Variants in AHNAK observed in about 807,000 individuals in gnomAD.
AHNAK encodes AHNAK nucleoprotein, also known as neuroblast differentiation-associated protein AHNAK.
In AHNAK, 23 loss-of-function variants were observed where a neutral mutation model predicts 37.8. The ratio of observed to expected loss-of-function variants is 0.61; its 90% CI spans 0.44 to 0.86. AHNAK has a LOEUF of 0.86. Ranked by LOEUF, AHNAK falls within the 40% of genes least tolerant of loss-of-function variation. The pLI is 0.00. For synonymous variants in AHNAK, 2,481 were observed against 2,636.3 expected, an observed-to-expected ratio of 0.94 and a Z score of 1.80; for missense variants, 7,411 against 7,319.4, an observed-to-expected ratio of 1.01 and a Z score of -0.46.
At chr11:62,467,666 C>G (rs1938941152) in intron 5 of AHNAK, among the ~76,000 whole-genome samples, 1 of 152,222 alleles carries the variant, frequency 6.6e-6, no homozygotes, top group African/African-American at 2.4e-5. Flanking sequence ...GCCTGGGCAA[C>G]AGAGTGAGAC....
At position 62,474,342 on chromosome 11, in the gene AHNAK, G is replaced by A. The variant is rs571953676; in HGVS notation, c.442+17390C>T. Among the ~76,000 whole-genome samples, 70 of 151,950 alleles carry A rather than the reference G, an allele frequency of 4.6e-4. 1 individual carries two copies. In the South Asian group the frequency reaches 0.014, roughly 30 times the overall value. On this transcript the variant is annotated intron_variant, in intron 5 of 5. Transcript: ENST00000257247. ...TGGGATTACAGGTGCATGCCACCAC[G>A]CCCAGCTAATTTTTATATATTTAGT... is the stretch of plus-strand genomic sequence containing the variant.
At chr11:62,477,864 C>T (rs1460577356) in intron 5 of AHNAK, among the ~76,000 whole-genome samples, 2 of 151,808 alleles carry the variant, frequency 1.3e-5, no homozygotes, top group African/African-American at 4.8e-5. Context: ...CAAGGCTTTC[C>T]AGAGGTGGTG....
rs528301927 is a variant in AHNAK at position 62,535,671 on chromosome 11, C to T, written c.154+274G>A. On this transcript the variant is annotated intron_variant, in intron 3 of 4. Coordinates refer to ENST00000378024, the MANE Select transcript of AHNAK (RefSeq NM_001620.3). Reference sequence around the variant, plus strand: ...CTAAAAAAAAAAAAAAAGGCCAACTCATTTGCCCAAATCTGCAGAGCTAGT... The same window carrying T: ...CTAAAAAAAAAAAAAAAGGCCAACTTATTTGCCCAAATCTGCAGAGCTAGT... Among the ~76,000 whole-genome samples the T allele has an allele frequency of 6.6e-5, 10 of 151,844 alleles. No individual in the cohort carries two copies. The East Asian group carries it at 1.7e-3, about 26-fold the overall frequency.
chr11:62,522,813 G>C lies in AHNAK; in HGVS notation c.11604C>G (p.Ile3868Met), dbSNP rs1380345232. 1.9e-6 allele frequency: 3 copies of C among 1,613,436 alleles called. No individual in the cohort carries two copies. Among genetic ancestry groups the C allele is most frequent in the African/African-American group, 2.7e-5 (2 of 74,654 alleles). The change falls in exon 5 of 5, where the codon ATC (isoleucine) becomes ATG (methionine). Residue 3868 changes from isoleucine to methionine, a missense_variant. Physicochemically the swap from Ile to Met is conservative, Grantham distance 10. Transcript: ENST00000378024. ...GPKFKMPEMN[I>M]KAPKISMPDI... is the part of the protein sequence containing the mutation. ...CAGGCATGGAGATCTTGGGGGCTTTGATGTTCATCTCAGGCATCTTGAATT... is the reference window on the plus strand; with the variant it reads ...CAGGCATGGAGATCTTGGGGGCTTTCATGTTCATCTCAGGCATCTTGAATT...
intron 5 of AHNAK, among the ~76,000 whole-genome samples, chr11:62,457,606 G>A (rs1565200532): frequency 6.6e-6 from 1 of 152,242 alleles, no homozygotes; most frequent in East Asian, 1.9e-4. Flanking sequence ...TCCAGTCTGG[G>A]TGACAGAGCA....
chr11:62,443,368 G>C (rs1172574800), intron 5 of AHNAK, among the ~76,000 whole-genome samples: 1 of 145,408 alleles, frequency 6.9e-6, no homozygotes, highest in East Asian at 2.2e-4. Flanking sequence ...CGCCTCCAGG[G>C]TTCAAGCGAT....
chr11:62,534,821 C>T (rs1004989018), intron 4 of AHNAK, among the ~76,000 whole-genome samples, 182 bp downstream of exon 4: 1 of 152,178 alleles, frequency 6.6e-6, no homozygotes, highest in Non-Finnish European at 1.5e-5. Flanking sequence ...AGCACAGCCA[C>T]ATGTCACACG....
downstream of AHNAK, among the ~76,000 whole-genome samples, chr11:62,511,243 T>G (rs1939905607): frequency 6.7e-6 from 1 of 149,216 alleles, no homozygotes. Context: ...TGTTTTTTGT[T>G]TTTTTTTTTT....
At chr11:62,537,815 T>G (rs1352557471) in intron 1 of AHNAK, among the ~76,000 whole-genome samples, 1 of 152,058 alleles carries the variant, frequency 6.6e-6, no homozygotes, top group African/African-American at 2.4e-5. Context: ...CCCGAGTAGC[T>G]GGGATTACAG....
At chr11:62,500,973 C>A (rs1302360739) in intron 4 of AHNAK, among the ~76,000 whole-genome samples, 1 of 152,110 alleles carries the variant, frequency 6.6e-6, no homozygotes, top group Non-Finnish European at 1.5e-5. Context: ...AATCCTAACA[C>A]TTTGGGAGGC....
chr11:62,475,922 G>T (rs1347950976), intron 5 of AHNAK, among the ~76,000 whole-genome samples: 2 of 152,058 alleles, frequency 1.3e-5, no homozygotes, highest in South Asian at 2.1e-4. Flanking sequence ...ACTTGAAGGC[G>T]CATTTCTCGC....
At position 62,516,831 on chromosome 11, in the gene AHNAK, C is replaced by T; in HGVS notation, c.17586G>A (p.Leu5862=). The T allele has an allele frequency of 1.9e-6, 3 of 1,614,188 alleles. No homozygotes were observed. Among genetic ancestry groups the T allele is most frequent in the Non-Finnish European group, 2.5e-6 (3 of 1,180,038 alleles). Reference sequence around the variant, plus strand: ...CACTGTCATTGCTAGAAGAGGAGGACAGTCGGGACTTCTTAGAGGCCAGGG... The same window carrying T: ...CACTGTCATTGCTAGAAGAGGAGGATAGTCGGGACTTCTTAGAGGCCAGGG... ...GVSLASKKSR[L]SSSSSNDSGN... is the part of the protein sequence containing the mutation. The change falls in exon 5 of 5, where the codon CTG becomes CTA. Residue 5862 remains leucine (L), a synonymous_variant. Transcript: ENST00000378024.
At chr11:62,453,453 T>C (rs931643788) in intron 5 of AHNAK, among the ~76,000 whole-genome samples, 1 of 152,128 alleles carries the variant, frequency 6.6e-6, no homozygotes, top group African/African-American at 2.4e-5. Flanking sequence ...TTACTGTGTG[T>C]CAGGAACATG....
chr11:62,514,064 C>T (rs568708684), downstream of AHNAK, among the ~76,000 whole-genome samples: 149 of 152,218 alleles, frequency 9.8e-4, no homozygotes, highest in African/African-American at 3.5e-3. Flanking sequence ...GGGGCCACCA[C>T]TAGCCTTCAT....
intron 1 of AHNAK, among the ~76,000 whole-genome samples, chr11:62,543,338 G>T (rs540286111): frequency 1.3e-5 from 2 of 152,244 alleles, no homozygotes; most frequent in Admixed American, 1.3e-4. Flanking sequence ...CTCCAAGCCC[G>T]ATGACAACGC....
chr11:62,529,504 C>T lies in AHNAK; in HGVS notation c.4913G>A (p.Gly1638Asp). The T allele has an allele frequency of 1.9e-6, 3 of 1,614,120 alleles. No homozygotes were observed. The South Asian group carries it at 3.3e-5, about 18-fold the overall frequency. The change falls in exon 5 of 5, where the codon GGC (glycine) becomes GAC (aspartate). Residue 1638 changes from glycine to aspartate, a missense_variant. Coordinates refer to ENST00000378024, the MANE Select transcript of AHNAK (RefSeq NM_001620.3). ...CATCTCAGGCATCTTAAACTTGGGGCCCTTCAACTTCCCTTCTGGACCTTC... is the reference window on the plus strand; with the variant it reads ...CATCTCAGGCATCTTAAACTTGGGGTCCTTCAACTTCCCTTCTGGACCTTC... ...DIEGPEGKLK[G>D]PKFKMPEMHF...
intron 1 of AHNAK, among the ~76,000 whole-genome samples, chr11:62,540,552 G>A (rs911616921): frequency 6.6e-6 from 1 of 152,204 alleles, no homozygotes; most frequent in Non-Finnish European, 1.5e-5. Flanking sequence ...GCTCATGCCT[G>A]TAATCCCAGA....
intron 5 of AHNAK, among the ~76,000 whole-genome samples, chr11:62,457,920 T>C (rs1381274940): frequency 1.3e-5 from 2 of 150,812 alleles, no homozygotes; most frequent in African/African-American, 4.9e-5. Context: ...TTTTTTTTTT[T>C]TTTTTTTTTT....
Position 62,528,310 on chromosome 11 carries a change from T to C in AHNAK, c.6107A>G (p.Asp2036Gly), listed in dbSNP as rs201141229. Residue 2036 changes from aspartate to glycine, a missense_variant, in exon 5 of 5, where the codon GAT becomes GGT. Asp to Gly is a moderately conservative substitution (Grantham distance 94). Coordinates refer to ENST00000378024, the MANE Select transcript of AHNAK (RefSeq NM_001620.3). ...CCAGTCTGGGCCATGAACATCCACA[T>C]CTGGGGCATCAATGTCCATTTTGGG... ...KGPKMDIDAPDVDVHGPDWHL... is the reference protein window; with the variant it reads ...KGPKMDIDAPGVDVHGPDWHL... The C allele has an allele frequency of 1.3e-4, 210 of 1,614,226 alleles. No homozygotes were observed. In the Admixed American group the frequency reaches 1.5e-3, roughly 12 times the overall value.
Sources: gnomAD v4.1 joint callset for allele counts (sites outside exome capture counted in the v4.1 genomes callset) on GRCh38, gnomAD v4.1.1 for gene constraint, MANE v1.5 for transcripts, NCBI Gene and HGNC (gene_info 2026-07-23, HGNC 2026-07-21) for gene names.